GLB1L2: variants seen among roughly 807,000 people sequenced by gnomAD.
GLB1L2 encodes galactosidase beta 1 like 2, also known as beta-galactosidase-1-like protein 2.
GLB1L2 carries 68 observed loss-of-function variants against 84.1 expected under a neutral mutation model. That is an observed-to-expected ratio of 0.81 (90% CI 0.67 to 0.99). GLB1L2 has a LOEUF of 0.99. Among genes scored for constraint, GLB1L2 ranks in the 50% least tolerant of loss-of-function variants. GLB1L2 has a pLI of 0.00. For synonymous variants in GLB1L2, 290 were observed against 318.0 expected (o/e 0.91, Z 0.94); for missense variants, 762 against 805.6 (o/e 0.95, Z 0.66).
intron 7 of GLB1L2, chr11:134,361,463 T>G (rs974712876): frequency 6.6e-6 from 1 of 152,334 alleles, no homozygotes; most frequent in Non-Finnish European, 1.5e-5. Context: ...TGCAGGCACC[T>G]GCCACGTGGG....
At chr11:134,349,260 C>T (rs1045826736) in intron 5 of GLB1L2, among the ~76,000 whole-genome samples, 2 of 152,206 alleles carry the variant, frequency 1.3e-5, no homozygotes, top group Non-Finnish European at 2.9e-5. Context: ...GTGTCATAGC[C>T]TGTGTCAGAA....
chr11:134,374,844 G>A, intron 18 of GLB1L2, 126 bp downstream of exon 18: 1 of 1,167,840 alleles, frequency 8.6e-7, no homozygotes, highest in Non-Finnish European at 1.3e-6. Flanking sequence ...CTGCAGACGA[G>A]TTGTTGGTCC....
chr11:134,338,104 G>A lies in GLB1L2; in HGVS notation c.87-4650G>A, dbSNP rs1026075770. On this transcript the variant is annotated intron_variant, in intron 1 of 18. Coordinates refer to ENST00000535456, the MANE Select transcript of GLB1L2 (RefSeq NM_001370461.1). The surrounding 1 kb of genome is among the most constrained non-coding windows in gnomAD (Gnocchi z 6.2). ...TGAGTGCTGCCTGGTCTCCACCGGC[G>A]GTCATCGTACTCCGGATGTTCACGG... Among the ~76,000 whole-genome samples, 21 of 152,160 alleles carry A rather than the reference G, an allele frequency of 1.4e-4. No individual in the cohort carries two copies. The highest frequency in any genetic ancestry group is 4.8e-4 in the African/African-American group (20 of 41,438).
chr11:134,365,811 A>G (rs759228914), intron 8 of GLB1L2, among the ~76,000 whole-genome samples: 2 of 152,178 alleles, frequency 1.3e-5, no homozygotes, highest in African/African-American at 4.8e-5. Context: ...CTCTGAATGC[A>G]CAGCACAGGC....
At chr11:134,360,789 C>T (rs1177528034) in intron 7 of GLB1L2, 2 of 152,008 alleles carry the variant, frequency 1.3e-5, no homozygotes, top group African/African-American at 4.8e-5. Context: ...AACTCTTTGA[C>T]TTTTTCTTTG....
chr11:134,367,310 G>A lies in GLB1L2; in HGVS notation c.858G>A (p.Trp286Ter). 6.2e-7 allele frequency: 1 copy of A among 1,614,122 alleles called. No individual in the cohort carries two copies. The highest frequency in any genetic ancestry group is 1.1e-5 in the South Asian group (1 of 91,072). The part of the protein sequence containing the change: ...MEYWTGWFDS[W>*]GGPHNILDSS... ...ACTGGACGGGGTGGTTTGACTCGTG[G>A]GGAGGCCCTCACAATATCTTGGATT... The change falls in exon 9 of 19, where the codon TGG (tryptophan) becomes TGA (stop). Residue 286 changes from tryptophan (W) to a stop codon, truncating the protein, a stop_gained. Transcript: ENST00000535456. LOFTEE classifies it high-confidence loss of function.
chr11:134,337,670 G>T (rs927677820), intron 1 of GLB1L2, among the ~76,000 whole-genome samples: 6 of 152,204 alleles, frequency 3.9e-5, no homozygotes, highest in Non-Finnish European at 7.3e-5. Context: ...AATCCTGAGA[G>T]TGATGAAGTC....
At chr11:134,344,332 A>T in intron 2 of GLB1L2, 55 bp from the exon 3 acceptor site, 1 of 1,594,886 alleles carries the variant, frequency 6.3e-7, no homozygotes, top group Non-Finnish European at 8.6e-7. Flanking sequence ...GTAATGTGAG[A>T]GGTGAAATGG....
rs1181517493 is a variant in GLB1L2 at position 134,370,672 on chromosome 11, G to A, written c.1215+273G>A. Among the ~76,000 whole-genome samples, 1 of 152,068 alleles carries A rather than the reference G, an allele frequency of 6.6e-6. No homozygotes were observed. The highest frequency in any genetic ancestry group is 1.5e-5 in the Non-Finnish European group (1 of 67,998). On this transcript the variant is annotated intron_variant, in intron 12 of 18. Transcript: ENST00000535456. The surrounding 1 kb of genome is among the most constrained non-coding windows in gnomAD (Gnocchi z 4.7). ...AGAGGTCCCTGAGGAACAGCGGCTG[G>A]CCCCGTGGGCCTTTCCTTCCTCCAG...
chr11:134,339,748 G>A lies in GLB1L2; in HGVS notation c.87-3006G>A, dbSNP rs1943436428. ...TTGGGCTTCTCGAGCTGTAACCTTG[G>A]GATTGGTTAGAATGCAGATTTTGAT... On this transcript the variant is annotated intron_variant, in intron 1 of 18. Transcript: ENST00000535456. The surrounding 1 kb of genome is among the most constrained non-coding windows in gnomAD (Gnocchi z 5.7). Among the ~76,000 whole-genome samples the A allele has an allele frequency of 6.6e-6, 1 of 152,010 alleles. No homozygotes were observed. Among genetic ancestry groups the A allele is most frequent in the Non-Finnish European group, 1.5e-5 (1 of 68,006 alleles).
At chr11:134,369,701 C>A in intron 10 of GLB1L2, 104 bp from the exon 11 acceptor site, 1 of 929,508 alleles carries the variant, frequency 1.1e-6, no homozygotes, top group Non-Finnish European at 1.6e-6. Flanking sequence ...TCCCCAATGG[C>A]TGAGATGAAG....
intron 3 of GLB1L2, among the ~76,000 whole-genome samples, chr11:134,344,659 C>T (rs1465749823): frequency 1.3e-5 from 2 of 152,286 alleles, no homozygotes; most frequent in African/African-American, 4.8e-5. Context: ...AGCCTCCGGG[C>T]CCCACCTCTC....
At chr11:134,358,309 G>A (rs1280506545) in intron 6 of GLB1L2, among the ~76,000 whole-genome samples, 1 of 152,254 alleles carries the variant, frequency 6.6e-6, no homozygotes, top group Non-Finnish European at 1.5e-5. Context: ...AACCTGCGAT[G>A]CTTGACTTCA....
chr11:134,375,134 C>A lies in GLB1L2; in HGVS notation c.*76C>A. On this transcript the variant is annotated 3_prime_UTR_variant, in exon 19 of 19. Transcript: ENST00000535456. The stretch of plus-strand genomic sequence containing the variant: ...TGACCTGAAGCCTGGTGGCTGCTGC[C>A]CCACCCCTCACTGCAAAAGCATCTC... 1.7e-6 allele frequency: 2 copies of A among 1,150,840 alleles called. No individual in the cohort carries two copies. The highest frequency in any genetic ancestry group is 2.5e-6 in the Non-Finnish European group (2 of 785,472). 71.3% of individuals were successfully genotyped at this position (1,150,840 alleles called of 1,614,324 possible).
intron 5 of GLB1L2, among the ~76,000 whole-genome samples, chr11:134,347,818 G>T (rs985209179): frequency 6.6e-6 from 1 of 152,112 alleles, no homozygotes; most frequent in Non-Finnish European, 1.5e-5. Flanking sequence ...GTAGCACTGC[G>T]GCTCAGTTTT....
At chr11:134,352,592 C>A (rs912092055) in intron 5 of GLB1L2, among the ~76,000 whole-genome samples, 11 of 150,808 alleles carry the variant, frequency 7.3e-5, no homozygotes, top group African/African-American at 2.7e-4. Context: ...CCTCTTTGCA[C>A]TGCTTTCACT....
intron 17 of GLB1L2, 56 bp from the exon 18 acceptor site, chr11:134,374,546 C>T (rs1943999872): frequency 8.8e-6 from 12 of 1,365,458 alleles, no homozygotes; most frequent in Non-Finnish European, 1.3e-5. Context: ...GCATGTCTCC[C>T]TCCACTTTTG....
intron 2 of GLB1L2, among the ~76,000 whole-genome samples, chr11:134,343,445 A>T (rs925798719): frequency 6.6e-6 from 1 of 152,202 alleles, no homozygotes; most frequent in African/African-American, 2.4e-5. Context: ...AATCATTTAT[A>T]AAGTGTGCTC....
At position 134,375,343 on chromosome 11, in the gene GLB1L2, G is replaced by A. The variant is rs992571403; in HGVS notation, c.*285G>A. 2.6e-5 allele frequency: 10 copies of A among 385,900 alleles called. No individual in the cohort carries two copies. The highest frequency in any genetic ancestry group is 9.2e-6 in the Non-Finnish European group (2 of 216,382). The allele number at this position is 385,900 out of a possible 1,614,324, so 23.9% of individuals were successfully genotyped here. A position where few individuals can be genotyped will look rare whatever the true frequency, so the allele number is the denominator to read the frequency against. The stretch of plus-strand genomic sequence containing the variant: ...TAGGGTGGGAGCAGCTAATCAGATC[G>A]CCCAGCCTTTGGCCCTCAGAAAAAG... On this transcript the variant is annotated 3_prime_UTR_variant, in exon 19 of 19. Transcript: ENST00000535456.
Sources: allele counts gnomAD v4.1 joint callset (sites outside exome capture counted in the v4.1 genomes callset), GRCh38; gene constraint gnomAD v4.1.1; non-coding constraint Gnocchi (gnomAD v3.1); transcripts MANE v1.5; gene names NCBI Gene and HGNC (gene_info 2026-07-23, HGNC 2026-07-21).